Variants in UGT2B17 observed in about 807,000 individuals in gnomAD.
UGT2B17 encodes UDP-glucuronosyltransferase 2B17.
UGT2B17 carries 21 observed loss-of-function variants against 48.2 expected under a neutral mutation model. That is an observed-to-expected ratio of 0.44 (90% CI 0.31 to 0.63). UGT2B17 has a LOEUF of 0.63. UGT2B17 is among the 20% of genes least tolerant of loss of function. The probability of loss-of-function intolerance (pLI) is 0.08; values close to 1 mark genes in which losing one functional copy is unlikely to be tolerated. For missense variants in UGT2B17, 402 were observed against 696.1 expected (o/e 0.58, Z 4.75); for synonymous variants, 146 against 238.4 (o/e 0.61, Z 3.57).
chr4:68,558,676 T>C lies in UGT2B17; in HGVS notation c.1005+1861A>G, dbSNP rs1268719901. 4.8e-5 allele frequency among the ~76,000 whole-genome samples: 6 copies of C among 125,954 alleles called. 1 individual carries two copies. The highest frequency in any genetic ancestry group is 1.6e-4 in the African/African-American group (6 of 37,030). The allele number at this position is 125,954 out of a possible 152,430, so 82.6% of individuals were successfully genotyped here. ...TCAGGACCTGCTTAGGAATAAACCT[T>C]CCTTGCCATTAGAGATCAGATGAAA... On this transcript the variant is annotated intron_variant, in intron 4 of 6. Coordinates refer to ENST00000317746, the MANE Select transcript of UGT2B17 (RefSeq NM_001077.4).
intron 1 of UGT2B17, among the ~76,000 whole-genome samples, chr4:68,573,051 T>C (rs1731318966): frequency 7.8e-6 from 1 of 127,802 alleles, no homozygotes; most frequent in African/African-American, 2.7e-5. Flanking sequence ...ATCTAGTTAG[T>C]CTATCATTTA....
intron 6 of UGT2B17, among the ~76,000 whole-genome samples, chr4:68,544,967 A>G (rs964727104): frequency 7.9e-6 from 1 of 126,282 alleles, no homozygotes; most frequent in African/African-American, 2.7e-5. Flanking sequence ...ACTCCCACAC[A>G]ATAATAATGG....
In UGT2B17 at chr4:68,562,832, C is replaced by T. The variant is rs1333272659; in HGVS notation, c.874-2164G>A. ...AGAAAATTTTTTCTCATTGTATATG[C>T]CTTTTTATCCTACAAAAAAATTGTG... On this transcript the variant is annotated intron_variant, in intron 3 of 6. Coordinates refer to ENST00000317746, the MANE Select transcript of UGT2B17 (RefSeq NM_001077.4). 6.3e-5 allele frequency among the ~76,000 whole-genome samples: 8 copies of T among 125,996 alleles called. 3 individuals are homozygous for T. In the Admixed American group the frequency reaches 6.5e-4, roughly 10 times the overall value. The allele number at this position is 125,996 out of a possible 152,430, so 82.7% of individuals were successfully genotyped here.
chr4:68,570,651 A>G lies in UGT2B17; in HGVS notation c.-64-2103T>C, dbSNP rs758978130. Among the ~76,000 whole-genome samples the G allele has an allele frequency of 1.5e-4, 19 of 126,540 alleles. 3 individuals are homozygous for G. The highest frequency in any genetic ancestry group is 3.2e-4 in the Non-Finnish European group (19 of 59,716). The allele number at this position is 126,540 out of a possible 152,430, so 83.0% of individuals were successfully genotyped here. A position where few individuals can be genotyped will look rare whatever the true frequency, so the allele number is the denominator to read the frequency against. ...GTGGAATAGACTGATAGTGATTCAT[A>G]TAGTACAGTTGTGCTGAAGCATTTT... On this transcript the variant is annotated intron_variant, in intron 1 of 6. Coordinates refer to ENST00000317746, the MANE Select transcript of UGT2B17 (RefSeq NM_001077.4).
chr4:68,550,747 T>G lies in UGT2B17; in HGVS notation c.1243A>C (p.Ser415Arg), dbSNP rs1249993264. ...AHMKAKGAAL[S>R]VDIRTMSSRD... Reference sequence around the variant, plus strand: ...CTTGACATGGTCCTGATGTCCACACTGAGGGCTGCTCCCTTGGCTTTCATG... The same window carrying G: ...CTTGACATGGTCCTGATGTCCACACGGAGGGCTGCTCCCTTGGCTTTCATG... Residue 415 changes from serine to arginine, a missense_variant, in exon 6 of 7, where the codon AGT (serine) becomes CGT (arginine). Physicochemically the swap from Ser to Arg is moderately radical, Grantham distance 110. Coordinates refer to ENST00000317746, the MANE Select transcript of UGT2B17 (RefSeq NM_001077.4). The G allele has an allele frequency of 1.4e-6, 2 of 1,387,200 alleles. 1 individual carries two copies. The highest frequency in any genetic ancestry group is 3.0e-5 in the African/African-American group (2 of 67,744). The allele number at this position is 1,387,200 out of a possible 1,614,324, so 85.9% of individuals were successfully genotyped here.
chr4:68,554,889 C>T (rs62316989), intron 4 of UGT2B17, among the ~76,000 whole-genome samples: 40,569 of 123,382 alleles, frequency 0.33, 13,068 homozygotes, highest in Admixed American at 0.42. Flanking sequence ...TTTTATAAAC[C>T]TGTAAGATGT....
Position 68,551,920 on chromosome 4 carries a change from G to A in UGT2B17, c.1006-9C>T, listed in dbSNP as rs1463072735. The A allele has an allele frequency of 1.5e-6, 2 of 1,317,462 alleles. 1 individual carries two copies. The highest frequency in any genetic ancestry group is 1.7e-4 in the East Asian group (2 of 11,780). 81.6% of individuals were successfully genotyped at this position (1,317,462 alleles called of 1,614,324 possible). A position where few individuals can be genotyped will look rare whatever the true frequency, so the allele number is the denominator to read the frequency against. On this transcript the variant is annotated splice_polypyrimidine_tract_variant and intron_variant, in intron 4 of 6. Coordinates refer to ENST00000317746, the MANE Select transcript of UGT2B17 (RefSeq NM_001077.4). ...TCAAATCTCCATAGAACCTGTTAGGGCAAGGAAAATATCTTGTTCAATGAA... is the reference window on the plus strand; with the variant it reads ...TCAAATCTCCATAGAACCTGTTAGGACAAGGAAAATATCTTGTTCAATGAA...
At chr4:68,561,463 G>T (rs1219566899) in intron 3 of UGT2B17, among the ~76,000 whole-genome samples, 1 of 124,134 alleles carries the variant, frequency 8.1e-6, no homozygotes, top group Non-Finnish European at 1.7e-5. Flanking sequence ...CATTGTTTAG[G>T]TATGACTATG....
At chr4:68,573,033 G>A (rs1731318693) in intron 1 of UGT2B17, among the ~76,000 whole-genome samples, 1 of 127,560 alleles carries the variant, frequency 7.8e-6, no homozygotes, top group Non-Finnish European at 1.7e-5. Flanking sequence ...CACAATGCAA[G>A]CTTTGGTATC....
intron 2 of UGT2B17, among the ~76,000 whole-genome samples, chr4:68,567,447 G>C (rs1731219714): frequency 7.9e-6 from 1 of 126,274 alleles, no homozygotes; most frequent in Non-Finnish European, 1.7e-5. Flanking sequence ...GATGTTTCTT[G>C]AAGTATCTAT....
At chr4:68,550,266 T>C (rs1335751622) in intron 6 of UGT2B17, among the ~76,000 whole-genome samples, 1 of 124,964 alleles carries the variant, frequency 8.0e-6, no homozygotes, top group Non-Finnish European at 1.7e-5. Flanking sequence ...AAATTGTAAC[T>C]CATTTTCAAA....
intron 6 of UGT2B17, among the ~76,000 whole-genome samples, chr4:68,547,423 T>G (rs1397890600): frequency 1.6e-5 from 2 of 125,792 alleles, no homozygotes; most frequent in African/African-American, 5.4e-5. Flanking sequence ...CAAAAATTAA[T>G]TGAAGATGGA....
At chr4:68,543,940 C>A (rs1222863918) in intron 6 of UGT2B17, among the ~76,000 whole-genome samples, 1 of 125,490 alleles carries the variant, frequency 8.0e-6, no homozygotes, top group Non-Finnish European at 1.7e-5. Flanking sequence ...TGTGAAAAGA[C>A]CAAATCTACA....
rs1043379963 is a variant in UGT2B17, at chr4:68,544,552, T to A, written c.1313+6125A>T. Among the ~76,000 whole-genome samples, 6 of 124,488 alleles carry A rather than the reference T, an allele frequency of 4.8e-5. 2 individuals are homozygous for A. The highest frequency in any genetic ancestry group is 1.0e-4 in the Non-Finnish European group (6 of 58,972). 81.7% of individuals were successfully genotyped at this position (124,488 alleles called of 152,430 possible). ...CGGCATCAACTATCGAGCAAAACAA[T>A]CAGCTAACATCATAATGACAGGATC... On this transcript the variant is annotated intron_variant, in intron 6 of 6. Coordinates refer to ENST00000317746, the MANE Select transcript of UGT2B17 (RefSeq NM_001077.4).
rs1245464998 is a variant in UGT2B17, at chr4:68,550,878, G to C, written c.1112C>G (p.Ala371Gly). 1.5e-6 allele frequency: 2 copies of C among 1,374,880 alleles called. 1 individual carries two copies. The highest frequency in any genetic ancestry group is 2.9e-5 in the African/African-American group (2 of 67,804). 85.2% of individuals were successfully genotyped at this position (1,374,880 alleles called of 1,614,324 possible). The change falls in exon 6 of 7, where the codon GCT becomes GGT. Residue 371 changes from alanine to glycine, a missense_variant. Ala to Gly is a moderately conservative substitution (Grantham distance 60). This residue lies in a region of UGT2B17 where 156 missense variants were observed against 258.6 expected (regional missense o/e 0.60). Coordinates refer to ENST00000317746, the MANE Select transcript of UGT2B17 (RefSeq NM_001077.4). ...NDLLGHPKTK[A>G]FITHGGTNGI... is the part of the protein sequence containing the mutation. ...ATTGGTTCCACCATGAGTTATAAAA[G>C]CTTTGGTTTTGGGATGACCTAAAAG...
rs1216823575 is a variant in UGT2B17, at chr4:68,557,528, G to GTT, written c.1005+3007_1005+3008dup. Among the ~76,000 whole-genome samples the GTT allele has an allele frequency of 2.8e-5, 3 of 108,204 alleles. 1 individual carries two copies. The highest frequency in any genetic ancestry group is 3.9e-5 in the Non-Finnish European group (2 of 51,750). The allele number at this position is 108,204 out of a possible 152,430, so 71.0% of individuals were successfully genotyped here. A position where few individuals can be genotyped will look rare whatever the true frequency, so the allele number is the denominator to read the frequency against. On this transcript the variant is annotated intron_variant, in intron 4 of 6. Coordinates refer to ENST00000317746, the MANE Select transcript of UGT2B17 (RefSeq NM_001077.4). ...CATTGCTGATCCTTTGTTTTGTTTT[G>GTT]TTTTTTTTTTTAGAGTGAAGGAATC... is the stretch of plus-strand genomic sequence containing the variant.
rs1214409204 is a variant in UGT2B17 at position 68,540,834 on chromosome 4, C to T, written c.1314-2930G>A. Among the ~76,000 whole-genome samples, 3 of 124,604 alleles carry T rather than the reference C, an allele frequency of 2.4e-5. 1 individual carries two copies. The highest frequency in any genetic ancestry group is 5.1e-5 in the Non-Finnish European group (3 of 59,146). 81.7% of individuals were successfully genotyped at this position (124,604 alleles called of 152,430 possible). A position where few individuals can be genotyped will look rare whatever the true frequency, so the allele number is the denominator to read the frequency against. ...CGAATGGCCCCGGTGTGTTTTGCTC[C>T]CCTCCCTGAGTCCATGTATTCTCAT... On this transcript the variant is annotated intron_variant, in intron 6 of 6. Coordinates refer to ENST00000317746, the MANE Select transcript of UGT2B17 (RefSeq NM_001077.4).
At position 68,556,234 on chromosome 4, in the gene UGT2B17, T is replaced by C. The variant is rs1314349924; in HGVS notation, c.1005+4303A>G. Reference sequence around the variant, plus strand: ...ATTGGTTAGAACAATAACATTTTCTTAAGGGATTGATTTACTCTTAAAATA... The same window carrying C: ...ATTGGTTAGAACAATAACATTTTCTCAAGGGATTGATTTACTCTTAAAATA... On this transcript the variant is annotated intron_variant, in intron 4 of 6. Coordinates refer to ENST00000317746, the MANE Select transcript of UGT2B17 (RefSeq NM_001077.4). Among the ~76,000 whole-genome samples the C allele has an allele frequency of 5.6e-5, 7 of 123,972 alleles. 3 individuals carry two copies. Among genetic ancestry groups the C allele is most frequent in the African/African-American group, 1.9e-4 (7 of 36,172 alleles). The allele number at this position is 123,972 out of a possible 152,430, so 81.3% of individuals were successfully genotyped here.
chr4:68,575,256 C>A (rs1338112057), intron 1 of UGT2B17, among the ~76,000 whole-genome samples: 1 of 63,816 alleles, frequency 1.6e-5, no homozygotes, highest in Admixed American at 2.3e-4. Flanking sequence ...GTTCTCTTAA[C>A]TATTGTGAGG....
Sources: gnomAD v4.1 joint callset for allele counts (sites outside exome capture counted in the v4.1 genomes callset) on GRCh38, gnomAD v4.1.1 for gene constraint, gnomAD v4.1.1 regional missense constraint, MANE v1.5 for transcripts, NCBI Gene and HGNC (gene_info 2026-07-23, HGNC 2026-07-21) for gene names.